Variants in AGBL1 observed in about 807,000 individuals in gnomAD.
The protein encoded by AGBL1 is AGBL carboxypeptidase 1, also known as cytosolic carboxypeptidase 4.
Under a neutral mutation model 118.9 loss-of-function variants are expected in AGBL1, and 130 were observed. That is an observed-to-expected ratio of 1.09 (90% confidence interval 0.95 to 1.26). AGBL1 has a LOEUF of 1.26. AGBL1 is among the 50% of genes most tolerant of loss of function. The probability of loss-of-function intolerance (pLI) is 0.00; values close to 1 mark genes in which losing one functional copy is unlikely to be tolerated. For synonymous variants in AGBL1, 555 were observed against 478.9 expected (o/e 1.16, Z -2.08); for missense variants, 1,584 against 1,298.1 (o/e 1.22, Z -3.38).
chr15:86,583,250 C>A (rs1202647473), intron 21 of AGBL1, among the ~76,000 whole-genome samples: 2 of 151,882 alleles, frequency 1.3e-5, no homozygotes, highest in African/African-American at 2.4e-5. Flanking sequence ...GGGTACAATT[C>A]CTCCTGCCAC....
chr15:87,002,820 A>T (rs1412943108), intron 24 of AGBL1, among the ~76,000 whole-genome samples: 3 of 152,220 alleles, frequency 2.0e-5, no homozygotes, highest in African/African-American at 7.2e-5. Flanking sequence ...ATTTTTGCAC[A>T]TTGATTTTAT....
At chr15:86,736,411 A>G (rs541375346) in intron 22 of AGBL1, among the ~76,000 whole-genome samples, 5 of 152,140 alleles carry the variant, frequency 3.3e-5, no homozygotes, top group African/African-American at 7.2e-5. Flanking sequence ...CACCTATATT[A>G]TGCTAGATAC....
At chr15:86,943,407 A>T (rs1174575040) in intron 23 of AGBL1, among the ~76,000 whole-genome samples, 1 of 152,222 alleles carries the variant, frequency 6.6e-6, no homozygotes, top group African/African-American at 2.4e-5. Flanking sequence ...GGAATCTGTG[A>T]TATCTCTCTC....
chr15:86,947,834 T>G (rs1217563571), intron 23 of AGBL1, among the ~76,000 whole-genome samples: 6 of 152,210 alleles, frequency 3.9e-5, no homozygotes, highest in African/African-American at 1.4e-4. Flanking sequence ...ACAGATTATC[T>G]GACGTTGTTT....
chr15:86,815,645 G>A lies in AGBL1; in HGVS notation c.3159-91442G>A, dbSNP rs78670390. ...CAAGCACCCAGGAGATAAGTAGTAC[G>A]GTTCTGGGTTTGGTGGATTCAGTTT... On this transcript the variant is annotated intron_variant, in intron 22 of 22. Transcript: ENST00000614907. Among the ~76,000 whole-genome samples, 237 of 152,188 alleles carry A rather than the reference G, an allele frequency of 1.6e-3. 1 individual carries two copies. Among genetic ancestry groups the A allele is most frequent in the African/African-American group, 5.1e-3 (210 of 41,524 alleles).
intron 9 of AGBL1, 118 bp from the exon 10 acceptor site, chr15:86,262,660 A>G (rs749133768): frequency 2.0e-5 from 15 of 736,542 alleles, no homozygotes; most frequent in South Asian, 3.0e-5. Flanking sequence ...CAGTGCTATA[A>G]TTTGGAGGCA....
chr15:86,964,139 A>G (rs1031783671), intron 23 of AGBL1, among the ~76,000 whole-genome samples: 1 of 151,716 alleles, frequency 6.6e-6, no homozygotes, highest in African/African-American at 2.4e-5. Context: ...AGAGAGGTTA[A>G]GTTCACAGCT....
At chr15:86,307,851 A>C (rs1359378580) in intron 17 of AGBL1, among the ~76,000 whole-genome samples, 1 of 152,220 alleles carries the variant, frequency 6.6e-6, no homozygotes, top group African/African-American at 2.4e-5. Flanking sequence ...ATGGACATCT[A>C]TGTATACACA....
chr15:86,570,368 G>A (rs542421943), intron 21 of AGBL1, among the ~76,000 whole-genome samples: 21 of 152,212 alleles, frequency 1.4e-4, no homozygotes, highest in African/African-American at 4.6e-4. Context: ...CAAAGTGAAA[G>A]GTACACCCTC....
intron 9 of AGBL1, among the ~76,000 whole-genome samples, chr15:86,258,579 TA>T (rs2078934558): frequency 6.6e-6 from 1 of 152,202 alleles, no homozygotes; most frequent in Admixed American, 6.5e-5. Context: ...GAACTTCCTA[TA>T]AAAGGTCCAA....
At chr15:86,524,926 A>G (rs2083242959) in intron 19 of AGBL1, among the ~76,000 whole-genome samples, 2 of 152,204 alleles carry the variant, frequency 1.3e-5, no homozygotes, top group Admixed American at 1.3e-4. Context: ...GAAAGAAATA[A>G]AGGGCATCCA....
At chr15:86,573,256 T>A (rs551392057) in intron 21 of AGBL1, among the ~76,000 whole-genome samples, 1 of 152,334 alleles carries the variant, frequency 6.6e-6, no homozygotes, top group African/African-American at 2.4e-5. Flanking sequence ...CAAGAAACGT[T>A]TTTCTTTTTA....
At position 86,689,310 on chromosome 15, in the gene AGBL1, A is replaced by G. The variant is rs140268539; in HGVS notation, c.3158+14874A>G. 1.8e-3 allele frequency among the ~76,000 whole-genome samples: 269 copies of G among 152,252 alleles called. 4 individuals carry two copies. The East Asian group carries it at 0.022, about 12-fold the overall frequency. On this transcript the variant is annotated intron_variant, in intron 22 of 22. Transcript: ENST00000614907. The stretch of plus-strand genomic sequence containing the variant: ...AAGACTTTTCATGACCACATTGCCT[A>G]AAGTAGCATTTCTAGCCACTCCTAC...
At chr15:86,318,696 ATTTTTTTTT>A (rs57988335) in intron 17 of AGBL1, among the ~76,000 whole-genome samples, 5 of 81,984 alleles carry the variant, frequency 6.1e-5, no homozygotes, top group African/African-American at 1.5e-4. Flanking sequence ...TTGATCATAG[ATTTTTTTTT>A]TTTTTTTTTT....
intron 24 of AGBL1, among the ~76,000 whole-genome samples, chr15:87,024,236 G>A (rs1260647643): frequency 1.3e-5 from 2 of 151,840 alleles, no homozygotes; most frequent in African/African-American, 4.8e-5. Flanking sequence ...TAGACCATTA[G>A]CAAGATTAAC....
At chr15:86,686,878 C>G (rs1388663488) in intron 22 of AGBL1, among the ~76,000 whole-genome samples, 1 of 152,078 alleles carries the variant, frequency 6.6e-6, no homozygotes, top group Non-Finnish European at 1.5e-5. Context: ...GCCCACACAG[C>G]TAGTTTAAAT....
chr15:86,438,798 A>G (rs1486794776), intron 18 of AGBL1, among the ~76,000 whole-genome samples: 1 of 151,774 alleles, frequency 6.6e-6, no homozygotes, highest in African/African-American at 2.4e-5. Context: ...GATAGCTGGG[A>G]TTACAGGCAC....
intron 22 of AGBL1, among the ~76,000 whole-genome samples, chr15:86,778,251 CACAGGACCATGGG>C (rs1413000062): frequency 2.0e-5 from 3 of 152,134 alleles, no homozygotes; most frequent in Non-Finnish European, 4.4e-5. Flanking sequence ...AGGGCGAGAT[CACAGGACCATGGG>C]ACTGGGGGCA....
At position 86,279,666 on chromosome 15, in the gene AGBL1, T is replaced by TG. The variant is rs1161579379; in HGVS notation, c.2104dup (p.Ala702GlyfsTer22). 3.1e-6 allele frequency: 5 copies of TG among 1,613,318 alleles called. No homozygotes were observed. The East Asian group carries it at 1.1e-4, about 36-fold the overall frequency. ...ATCATTATCGCCAGAGTACAGCTGT[T>TG]GCAGGCGGAGCATCTGGGAAGTGCT... On this transcript the variant is annotated frameshift_variant, in exon 16 of 23. Transcript: ENST00000614907. LOFTEE classifies it high-confidence loss of function.
Sources: gnomAD v4.1 joint callset for allele counts (sites outside exome capture counted in the v4.1 genomes callset) on GRCh38, gnomAD v4.1.1 for gene constraint, MANE v1.5 for transcripts, NCBI Gene and HGNC (gene_info 2026-07-23, HGNC 2026-07-21) for gene names.